PPM1L: variants seen among roughly 807,000 people sequenced by gnomAD.
PPM1L encodes protein phosphatase 1L.
PPM1L carries 13 observed loss-of-function variants against 31.4 expected under a neutral mutation model. The observed-to-expected ratio is 0.41, with a 90% confidence interval of 0.27 to 0.66. PPM1L has a LOEUF of 0.66. Ranked by LOEUF, PPM1L falls within the 30% of genes least tolerant of loss-of-function variation. The pLI, the probability that PPM1L is intolerant of heterozygous loss-of-function variation, is 0.29. For missense variants in PPM1L, 326 were observed against 453.7 expected, an observed-to-expected ratio of 0.72 and a Z score of 2.56; for synonymous variants, 184 against 175.4, an observed-to-expected ratio of 1.05 and a Z score of -0.39.
chr3:161,068,402 T>C (rs7620347), intron 3 of PPM1L, among the ~76,000 whole-genome samples: 150,609 of 152,286 alleles, frequency 0.99, 74,478 homozygotes, highest in East Asian at 1. Flanking sequence ...GGCACACTTA[T>C]GAGTGGCCTC....
chr3:160,888,005 G>T (rs1050465856), intron 1 of PPM1L, among the ~76,000 whole-genome samples: 1 of 152,038 alleles, frequency 6.6e-6, no homozygotes, highest in Non-Finnish European at 1.5e-5. Flanking sequence ...TTATCACTAG[G>T]CCTGCCTTGC....
chr3:160,878,027 TG>T (rs1211610062), intron 1 of PPM1L, among the ~76,000 whole-genome samples: 1 of 152,160 alleles, frequency 6.6e-6, no homozygotes, highest in Non-Finnish European at 1.5e-5. Context: ...AGAAATGATT[TG>T]GGGGTTGCTT....
intron 1 of PPM1L, among the ~76,000 whole-genome samples, chr3:160,865,081 C>T (rs925607933): frequency 3.9e-5 from 6 of 152,084 alleles, no homozygotes; most frequent in Non-Finnish European, 7.4e-5. Flanking sequence ...ACTGTTAATT[C>T]GTTTCTAATG....
chr3:161,063,840 T>C (rs1719646806), intron 2 of PPM1L, among the ~76,000 whole-genome samples: 1 of 152,136 alleles, frequency 6.6e-6, no homozygotes, highest in African/African-American at 2.4e-5. Context: ...TATGCAGCCA[T>C]AAAAAAGGAT....
At chr3:160,954,949 TTCCTTCC>T (rs1223729955) in intron 1 of PPM1L, among the ~76,000 whole-genome samples, 3,264 of 58,862 alleles carry the variant, frequency 0.055, 102 homozygotes, top group African/African-American at 0.15. Context: ...CCTTCCTTCC[TTCCTTCC>T]TTCCTTTCCT....
intron 1 of PPM1L, among the ~76,000 whole-genome samples, chr3:160,767,166 C>T (rs995145658): frequency 1.3e-5 from 2 of 152,092 alleles, no homozygotes; most frequent in African/African-American, 2.4e-5. Flanking sequence ...CCATACCATC[C>T]ACCATTAGTG....
intron 1 of PPM1L, among the ~76,000 whole-genome samples, chr3:160,902,583 A>G (rs187338958): frequency 2.4e-4 from 36 of 152,320 alleles, no homozygotes; most frequent in Non-Finnish European, 4.3e-4. Flanking sequence ...TATGAGCTGT[A>G]CTTATGTATG....
At chr3:161,011,583 A>G (rs1246345166) in intron 2 of PPM1L, among the ~76,000 whole-genome samples, 1 of 151,382 alleles carries the variant, frequency 6.6e-6, no homozygotes, top group African/African-American at 2.4e-5. Context: ...TGGGGATGGC[A>G]TTGAATCTAT....
chr3:160,892,156 T>C (rs902133496), intron 1 of PPM1L, among the ~76,000 whole-genome samples: 8 of 151,988 alleles, frequency 5.3e-5, no homozygotes, highest in African/African-American at 1.9e-4. Context: ...AAAATGGAAA[T>C]ATATGAGGCT....
At chr3:160,775,032 G>A (rs1005271993) in intron 1 of PPM1L, among the ~76,000 whole-genome samples, 1 of 152,140 alleles carries the variant, frequency 6.6e-6, no homozygotes, top group African/African-American at 2.4e-5. Context: ...GAAATCAAAG[G>A]GCTTTGCTCA....
At chr3:160,946,401 GGTAGCT>G (rs1458209828) in intron 1 of PPM1L, among the ~76,000 whole-genome samples, 1 of 152,094 alleles carries the variant, frequency 6.6e-6, no homozygotes, top group Non-Finnish European at 1.5e-5. Context: ...CTGCATACAT[GGTAGCT>G]GTTAAATGTA....
At chr3:160,940,004 G>T (rs1003816943) in intron 1 of PPM1L, among the ~76,000 whole-genome samples, 7 of 152,192 alleles carry the variant, frequency 4.6e-5, no homozygotes, top group African/African-American at 1.7e-4. Flanking sequence ...GGTCCAAGAT[G>T]AGGTGGTCTC....
chr3:160,814,528 TATGTATGTATGTGTATATATACACACAC>T (rs1712910685), intron 1 of PPM1L, among the ~76,000 whole-genome samples: 2 of 95,464 alleles, frequency 2.1e-5, no homozygotes, highest in African/African-American at 9.8e-5. Flanking sequence ...TACACACACA[TATGTATGTATGTGTATATATACACACAC>T]ACATATGTAT....
At chr3:160,993,421 G>A (rs1375883725) in intron 2 of PPM1L, among the ~76,000 whole-genome samples, 1 of 152,118 alleles carries the variant, frequency 6.6e-6, no homozygotes, top group African/African-American at 2.4e-5. Flanking sequence ...AGAAAACATG[G>A]GAGCTGAACT....
At position 161,000,237 on chromosome 3, in the gene PPM1L, AG is replaced by A. The variant is rs201604015; in HGVS notation, c.574+38328del. 5.7e-3 allele frequency among the ~76,000 whole-genome samples: 869 copies of A among 152,360 alleles called. 5 individuals are homozygous for A. Among genetic ancestry groups the A allele is most frequent in the Admixed American group, 8.8e-3 (135 of 15,306 alleles). On this transcript the variant is annotated intron_variant, in intron 2 of 3. Coordinates refer to ENST00000498165, the MANE Select transcript of PPM1L (RefSeq NM_139245.4). ...GGTGATATAAATTTGATAAGAGCTT[AG>A]AACTGCAGATACAGACACTCATATT...
At chr3:160,856,327 A>G (rs1711702562) in intron 1 of PPM1L, among the ~76,000 whole-genome samples, 1 of 152,228 alleles carries the variant, frequency 6.6e-6, no homozygotes, top group African/African-American at 2.4e-5. Flanking sequence ...ACCCAAAGGA[A>G]TATAAACCGT....
chr3:161,055,826 A>G (rs902763380), intron 2 of PPM1L, among the ~76,000 whole-genome samples: 1 of 151,768 alleles, frequency 6.6e-6, no homozygotes, highest in African/African-American at 2.4e-5. Flanking sequence ...CCTTATTCTC[A>G]TAGAAAAGAC....
intron 1 of PPM1L, chr3:160,870,747 A>G (rs2108029181): frequency 6.6e-6 from 1 of 152,366 alleles, no homozygotes; most frequent in African/African-American, 2.4e-5. Flanking sequence ...CACATAAGAC[A>G]GGTCTTTACA....
chr3:161,055,322 C>T (rs542218617), intron 2 of PPM1L, among the ~76,000 whole-genome samples: 23 of 152,050 alleles, frequency 1.5e-4, no homozygotes, highest in Non-Finnish European at 3.2e-4. Context: ...GGAGTCTTAT[C>T]TGAGAGCTGC....
Sources: gnomAD v4.1 joint callset for allele counts (sites outside exome capture counted in the v4.1 genomes callset) on GRCh38, gnomAD v4.1.1 for gene constraint, MANE v1.5 for transcripts, NCBI Gene and HGNC (gene_info 2026-07-23, HGNC 2026-07-21) for gene names.